The following BCL2L12 variants were observed in gnomAD, a reference collection of about 807,000 sequenced individuals.
BCL2L12 encodes the protein bcl-2-like protein 12.
Under a neutral mutation model 25.7 loss-of-function variants are expected in BCL2L12, and 27 were observed. The observed-to-expected ratio is 1.05, with a 90% confidence interval of 0.78 to 1.45. The LOEUF (loss-of-function observed/expected upper bound fraction) is 1.45. Among genes scored for constraint, BCL2L12 ranks in the 40% most tolerant of loss-of-function variants. The pLI is 0.00. For synonymous variants in BCL2L12, 132 were observed against 145.6 expected, an observed-to-expected ratio of 0.91 and a Z score of 0.67; for missense variants, 302 against 329.8, an observed-to-expected ratio of 0.92 and a Z score of 0.65.
intron 1 of BCL2L12, 127 bp downstream of exon 1, chr19:49,666,194 G>A (rs1212329909): frequency 3.1e-6 from 4 of 1,305,658 alleles, no homozygotes; most frequent in Non-Finnish European, 3.1e-6. Context: ...TCCAGCAGGG[G>A]TCGGAGATTT....
At chr19:49,668,567 G>C (rs890258948) in intron 3 of BCL2L12, among the ~76,000 whole-genome samples, 1 of 152,052 alleles carries the variant, frequency 6.6e-6, no homozygotes, top group African/African-American at 2.4e-5. Context: ...ACTTTGGGAG[G>C]CTGAGGTGGG....
chr19:49,666,112 G>C (rs1453059999), intron 1 of BCL2L12, 45 bp downstream of exon 1: 26 of 1,520,608 alleles, frequency 1.7e-5, no homozygotes, highest in Non-Finnish European at 2.3e-5. Flanking sequence ...GGGAAGAGGA[G>C]GGGGCCGGGA....
At chr19:49,666,260 T>C (rs895824054) in intron 1 of BCL2L12, among the ~76,000 whole-genome samples, 193 bp downstream of exon 1, 3 of 152,196 alleles carry the variant, frequency 2.0e-5, no homozygotes, top group Non-Finnish European at 2.9e-5. Context: ...TAGGGGAAGA[T>C]TTGCCCTGAA....
upstream of BCL2L12, chr19:49,665,911 G>A (rs763532112): frequency 2.5e-6 from 4 of 1,613,480 alleles, no homozygotes; most frequent in Admixed American, 1.7e-5. Context: ...CATGCAAATT[G>A]AGCGTGCACC....
At chr19:49,666,121 G>A (rs1026356120) in intron 1 of BCL2L12, 54 bp downstream of exon 1, 3 of 1,512,986 alleles carry the variant, frequency 2.0e-6, no homozygotes, top group Non-Finnish European at 2.7e-6. Flanking sequence ...AGGGGGCCGG[G>A]ATCCAGTGGT....
In BCL2L12 at chr19:49,668,830, CATT is replaced by C. The variant is rs760819226; in HGVS notation, c.251-19_251-17del. 6 of 1,605,984 alleles carry C rather than the reference CATT, an allele frequency of 3.7e-6. No homozygotes were observed. In the East Asian group the frequency reaches 1.3e-4, roughly 36 times the overall value. Reference sequence around the variant, plus strand: ...AGTTTCCAATGTCCTGGAAACCTGTCATTAACTCTTTTCACCCCAGGCCCAGCT... The same window carrying C: ...AGTTTCCAATGTCCTGGAAACCTGTCAACTCTTTTCACCCCAGGCCCAGCT... On this transcript the variant is annotated intron_variant, in intron 3 of 6. Transcript: ENST00000246784.
At chr19:49,669,397 G>A (rs2081902381) in intron 5 of BCL2L12, among the ~76,000 whole-genome samples, 1 of 152,026 alleles carries the variant, frequency 6.6e-6, no homozygotes, top group African/African-American at 2.4e-5. Context: ...TCGGACAGGT[G>A]TGGTGGTGCG....
Position 49,666,111 on chromosome 19 carries a change from A to C in BCL2L12, c.-9+44A>C, listed in dbSNP as rs749277867. On this transcript the variant is annotated intron_variant, in intron 1 of 6. Transcript: ENST00000246784. Reference sequence around the variant, plus strand: ...AGGGGTGGGGTGAGGAGGGAAGAGGAGGGGGCCGGGATCCAGTGGTGGGCA... The same window carrying C: ...AGGGGTGGGGTGAGGAGGGAAGAGGCGGGGGCCGGGATCCAGTGGTGGGCA... The C allele has an allele frequency of 4.0e-6, 6 of 1,514,590 alleles. No homozygotes were observed. The South Asian group carries it at 7.3e-5, about 18-fold the overall frequency. The allele number at this position is 1,514,590 out of a possible 1,614,324, so 93.8% of individuals were successfully genotyped here. A position where few individuals can be genotyped will look rare whatever the true frequency, so the allele number is the denominator to read the frequency against.
chr19:49,666,904 C>CTCTTTATA, intron 2 of BCL2L12, 105 bp downstream of exon 2: 1 of 1,522,234 alleles, frequency 6.6e-7, no homozygotes, highest in South Asian at 1.2e-5. Flanking sequence ...TGGCTCTATT[C>CTCTTTATA]TCTGTCTTTG....
chr19:49,669,336 G>C (rs1440429531), intron 5 of BCL2L12, among the ~76,000 whole-genome samples: 1 of 152,220 alleles, frequency 6.6e-6, no homozygotes, highest in African/African-American at 2.4e-5. Flanking sequence ...AGGAGTTCGA[G>C]ACCAGCCTGG....
At position 49,666,045 on chromosome 19, in the gene BCL2L12, GC is replaced by G. The variant is rs1199048959; in HGVS notation, c.-30del. ...GGAGACCGCAAGTTGAGTGGAGGAG[GC>G]GGCGGTGGGGCCCCGGACCAGGTCA... On this transcript the variant is annotated 5_prime_UTR_variant, in exon 1 of 7. Transcript: ENST00000246784. The G allele has an allele frequency of 3.2e-6, 5 of 1,558,916 alleles. No individual in the cohort carries two copies. The East Asian group carries it at 1.2e-4, about 37-fold the overall frequency.
In BCL2L12 at chr19:49,673,839, T is replaced by TGG. The variant is rs1159997392; in HGVS notation, c.*94_*95dup. 8 of 1,472,494 alleles carry TGG rather than the reference T, an allele frequency of 5.4e-6. 1 individual carries two copies. The Admixed American group carries it at 1.4e-4, about 27-fold the overall frequency. The allele number at this position is 1,472,494 out of a possible 1,614,324, so 91.2% of individuals were successfully genotyped here. A position where few individuals can be genotyped will look rare whatever the true frequency, so the allele number is the denominator to read the frequency against. The stretch of plus-strand genomic sequence containing the variant: ...AGTCTTCCTATTCCACTCAGGGCTG[T>TGG]GGGGTGGTGGTTGCCCTACCTGTTT... On this transcript the variant is annotated 3_prime_UTR_variant, in exon 7 of 7. Coordinates refer to ENST00000246784, the MANE Select transcript of BCL2L12 (RefSeq NM_138639.2).
rs757737666 is a variant in BCL2L12, at chr19:49,670,224, G to A, written c.438G>A (p.Ser146=). 1.2e-6 allele frequency: 2 copies of A among 1,605,204 alleles called. No individual in the cohort carries two copies. The highest frequency in any genetic ancestry group is 1.7e-6 in the Non-Finnish European group (2 of 1,179,206). ...CCTCTTCCACCCTACAGCTGGCCTCGGACCCCGCCCTGCGCAGCAAGCTGG... is the reference window on the plus strand; with the variant it reads ...CCTCTTCCACCCTACAGCTGGCCTCAGACCCCGCCCTGCGCAGCAAGCTGG... ...EAEVINQKLA[S]DPALRSKLVR... Residue 146 remains serine, a synonymous_variant, in exon 6 of 7, where the codon TCG becomes TCA. Transcript: ENST00000246784.
In BCL2L12 at chr19:49,670,230, C is replaced by T. The variant is rs1555765451; in HGVS notation, c.444C>T (p.Pro148=). The change falls in exon 6 of 7, where the codon CCC becomes CCT. Residue 148 remains proline (P), a synonymous_variant. Transcript: ENST00000246784. ...EVINQKLASD[P]ALRSKLVRLS... The stretch of plus-strand genomic sequence containing the variant: ...CCACCCTACAGCTGGCCTCGGACCC[C>T]GCCCTGCGCAGCAAGCTGGTCCGCC... The T allele has an allele frequency of 1.9e-6, 3 of 1,606,882 alleles. No individual in the cohort carries two copies. The highest frequency in any genetic ancestry group is 1.7e-6 in the Non-Finnish European group (2 of 1,179,468).
chr19:49,668,340 C>T (rs2081871471), intron 3 of BCL2L12, among the ~76,000 whole-genome samples: 1 of 151,676 alleles, frequency 6.6e-6, no homozygotes, highest in African/African-American at 2.4e-5. Context: ...CTCAGGTGAT[C>T]TGCCTGCCTC....
intron 2 of BCL2L12, 89 bp from the exon 3 acceptor site, chr19:49,666,930 G>GT: frequency 6.5e-7 from 1 of 1,545,910 alleles, no homozygotes; most frequent in South Asian, 1.2e-5. Context: ...TTGGAGAGAG[G>GT]TCCTCAGCGG....
At chr19:49,666,226 C>A (rs1397720439) in intron 1 of BCL2L12, among the ~76,000 whole-genome samples, 159 bp downstream of exon 1, 1 of 152,240 alleles carries the variant, frequency 6.6e-6, no homozygotes, top group African/African-American at 2.4e-5. Flanking sequence ...TCACAGCAGG[C>A]TGCGCGGCGA....
chr19:49,665,811 G>C, upstream of BCL2L12: 3 of 1,579,862 alleles, frequency 1.9e-6, no homozygotes, highest in Non-Finnish European at 2.6e-6. Flanking sequence ...TTGGGTAACA[G>C]ACCCAAAAGC....
chr19:49,668,092 C>CCTT (rs2081861674), intron 3 of BCL2L12, among the ~76,000 whole-genome samples: 1 of 125,390 alleles, frequency 8.0e-6, no homozygotes, highest in African/African-American at 3.0e-5. Context: ...CTCTGACATT[C>CCTT]TTTTTTTTTT....
Sources: allele counts gnomAD v4.1 joint callset (sites outside exome capture counted in the v4.1 genomes callset), GRCh38; gene constraint gnomAD v4.1.1; transcripts MANE v1.5; gene names NCBI Gene and HGNC (gene_info 2026-07-23, HGNC 2026-07-21).